The following SLC2A4 variants were observed in gnomAD, a reference collection of about 807,000 sequenced individuals.
SLC2A4 encodes the protein solute carrier family 2 member 4, also known as solute carrier family 2, facilitated glucose transporter member 4.
A neutral mutation model predicts 53.3 loss-of-function variants in SLC2A4; 31 were observed. The observed-to-expected ratio is 0.58, with a 90% CI of 0.44 to 0.78. The LOEUF is 0.78. Ranked by LOEUF, SLC2A4 falls within the 30% of genes least tolerant of loss-of-function variation. The probability of loss-of-function intolerance (pLI) is 0.00; values close to 1 mark genes in which losing one functional copy is unlikely to be tolerated. For synonymous variants in SLC2A4, 276 were observed against 281.9 expected (o/e 0.98, Z 0.21); for missense variants, 538 against 655.7 (o/e 0.82, Z 1.96).
At position 7,282,129 on chromosome 17, in the gene SLC2A4, A is replaced by C. The variant is rs1371025300; in HGVS notation, c.33+162A>C. On this transcript the variant is annotated intron_variant, in intron 1 of 10. Transcript: ENST00000317370. This position sits in a 1 kb window ranked among gnomAD's most constrained non-coding sequence, Gnocchi z 4.1. ...CCGGCCTGGACAACCCGTGACTGTG[A>C]GATTCCAATCCTACCAAAAGGCAGA... The C allele has an allele frequency of 1.8e-5, 12 of 683,204 alleles. No individual in the cohort carries two copies. The highest frequency in any genetic ancestry group is 2.6e-5 in the Non-Finnish European group (10 of 381,022). 42.3% of individuals were successfully genotyped at this position (683,204 alleles called of 1,614,324 possible). A position where few individuals can be genotyped will look rare whatever the true frequency, so the allele number is the denominator to read the frequency against.
In SLC2A4 at chr17:7,285,269, C is replaced by G. The variant is rs1035884145; in HGVS notation, c.1122+80C>G. ...TGAGTCTCTGTGACCAGCCAGGGTC[C>G]CTTCTTAACACACATGCTTTCAATC... On this transcript the variant is annotated intron_variant, in intron 9 of 10. Coordinates refer to ENST00000317370, the MANE Select transcript of SLC2A4 (RefSeq NM_001042.3). The surrounding 1 kb of genome is among the most constrained non-coding windows in gnomAD (Gnocchi z 6.0). 6.0e-6 allele frequency: 7 copies of G among 1,175,342 alleles called. No homozygotes were observed. Among genetic ancestry groups the G allele is most frequent in the Non-Finnish European group, 8.6e-6 (7 of 814,168 alleles). 72.8% of individuals were successfully genotyped at this position (1,175,342 alleles called of 1,614,324 possible).
rs888642767 is a variant in SLC2A4, at chr17:7,287,224, G to A, written c.*595G>A. On this transcript the variant is annotated 3_prime_UTR_variant, in exon 11 of 11. Coordinates refer to ENST00000317370, the MANE Select transcript of SLC2A4 (RefSeq NM_001042.3). ...ACTGCAAGCTGTCTCCCAGGTTCAC[G>A]CCATTCTCCTGCCTCAGCCTCCGGA... The A allele has an allele frequency of 2.7e-5, 4 of 146,982 alleles. No homozygotes were observed. Among genetic ancestry groups the A allele is most frequent in the Admixed American group, 1.4e-4 (2 of 14,078 alleles). The allele number at this position is 146,982 out of a possible 1,614,324, so 9.1% of individuals were successfully genotyped here. A position where few individuals can be genotyped will look rare whatever the true frequency, so the allele number is the denominator to read the frequency against.
chr17:7,286,734 G>A lies in SLC2A4; in HGVS notation c.*105G>A. On this transcript the variant is annotated 3_prime_UTR_variant, in exon 11 of 11. Coordinates refer to ENST00000317370, the MANE Select transcript of SLC2A4 (RefSeq NM_001042.3). The stretch of plus-strand genomic sequence containing the variant: ...CTCTCTTCCCTATTATTTCCGGGTG[G>A]AAAAGAATCCCTGCAGCCTGGTAGA... 1 of 1,086,644 alleles carries A rather than the reference G, an allele frequency of 9.2e-7. No homozygotes were observed. The highest frequency in any genetic ancestry group is 1.4e-6 in the Non-Finnish European group (1 of 713,834). The allele number at this position is 1,086,644 out of a possible 1,614,324, so 67.3% of individuals were successfully genotyped here.
Position 7,284,046 on chromosome 17 carries a change from C to A in SLC2A4, c.521C>A (p.Thr174Lys). ...APTHLRGALGTLNQLAIVIGI... is the reference protein window; with the variant it reads ...APTHLRGALGKLNQLAIVIGI... ...ACTCACCTGCGGGGCGCCCTGGGGACGCTCAACCAACTGGCCATTGTTATC... is the reference window on the plus strand; with the variant it reads ...ACTCACCTGCGGGGCGCCCTGGGGAAGCTCAACCAACTGGCCATTGTTATC... Residue 174 changes from threonine to lysine, a missense_variant, in exon 5 of 11, where the codon ACG (threonine) becomes AAG (lysine). Physicochemically the swap from Thr to Lys is moderately conservative, Grantham distance 78. Transcript: ENST00000317370. This position sits in a 1 kb window ranked among gnomAD's most constrained non-coding sequence, Gnocchi z 7.5. The A allele has an allele frequency of 6.2e-7, 1 of 1,613,976 alleles. No homozygotes were observed. Among genetic ancestry groups the A allele is most frequent in the Non-Finnish European group, 8.5e-7 (1 of 1,179,962 alleles).
Position 7,285,795 on chromosome 17 carries a change from T to A in SLC2A4, c.1213T>A (p.Phe405Ile), listed in dbSNP as rs756581709. 4 of 1,614,206 alleles carry A rather than the reference T, an allele frequency of 2.5e-6. No homozygotes were observed. In the East Asian group the frequency reaches 8.9e-5, roughly 36 times the overall value. Reference sequence around the variant, plus strand: ...GATTGGCCCTGGCCCCATTCCTTGGTTCATCGTGGCCGAGCTCTTCAGCCA... The same window carrying A: ...GATTGGCCCTGGCCCCATTCCTTGGATCATCGTGGCCGAGCTCTTCAGCCA... Reference protein sequence around the residue: ...FEIGPGPIPWFIVAELFSQGP... With the variant: ...FEIGPGPIPWIIVAELFSQGP... The change falls in exon 10 of 11, where the codon TTC becomes ATC. Residue 405 changes from phenylalanine to isoleucine, a missense_variant. By Grantham distance (21) the Phe-to-Ile change is conservative (BLOSUM62 0). Coordinates refer to ENST00000317370, the MANE Select transcript of SLC2A4 (RefSeq NM_001042.3). This position sits in a 1 kb window ranked among gnomAD's most constrained non-coding sequence, Gnocchi z 6.0.
In SLC2A4 at chr17:7,282,177, G is replaced by A. The variant is rs971399817; in HGVS notation, c.33+210G>A. Reference sequence around the variant, plus strand: ...AGAGTGGGTCTGGAGGGCCTTTCGGGGCACAGGCAGCAAGTGGATTCTGCG... The same window carrying A: ...AGAGTGGGTCTGGAGGGCCTTTCGGAGCACAGGCAGCAAGTGGATTCTGCG... On this transcript the variant is annotated intron_variant, in intron 1 of 10. Transcript: ENST00000317370. The surrounding 1 kb of genome is among the most constrained non-coding windows in gnomAD (Gnocchi z 4.1). 36 of 630,758 alleles carry A rather than the reference G, an allele frequency of 5.7e-5. No homozygotes were observed. Among genetic ancestry groups the A allele is most frequent in the Middle Eastern group, 4.2e-4 (1 of 2,402 alleles). 39.1% of individuals were successfully genotyped at this position (630,758 alleles called of 1,614,324 possible).
chr17:7,286,115 T>C, intron 10 of SLC2A4: 2 of 613,840 alleles, frequency 3.3e-6, no homozygotes, highest in Non-Finnish European at 5.8e-6. Flanking sequence ...AACGCACCAG[T>C]GGCATAACTT....
rs953842897 is a variant in SLC2A4 at position 7,284,188 on chromosome 17, C to T, written c.565-29C>T. The T allele has an allele frequency of 6.2e-7, 1 of 1,611,426 alleles. No individual in the cohort carries two copies. The highest frequency in any genetic ancestry group is 1.3e-5 in the African/African-American group (1 of 74,946). ...AGGTAAGGCAGAAGGGCTGAGTGAC[C>T]TGCCTTCTTTCCCAACCTTCTCCCA... On this transcript the variant is annotated intron_variant, in intron 5 of 10. Transcript: ENST00000317370. This position sits in a 1 kb window ranked among gnomAD's most constrained non-coding sequence, Gnocchi z 7.5.
Position 7,285,139 on chromosome 17 carries a change from G to A in SLC2A4, c.1072G>A (p.Ala358Thr), listed in dbSNP as rs758526122. Residue 358 changes from alanine to threonine, a missense_variant, in exon 9 of 11, where the codon GCG becomes ACG. Ala to Thr is a moderately conservative substitution (Grantham distance 58). Coordinates refer to ENST00000317370, the MANE Select transcript of SLC2A4 (RefSeq NM_001042.3). This position sits in a 1 kb window ranked among gnomAD's most constrained non-coding sequence, Gnocchi z 6.0. ...CCGGACGCTCCATCTCCTGGGCCTG[G>A]CGGGCATGTGTGGCTGTGCCATCCT... Reference protein sequence around the residue: ...GRRTLHLLGLAGMCGCAILMT... With the variant: ...GRRTLHLLGLTGMCGCAILMT... The A allele has an allele frequency of 1.9e-6, 3 of 1,604,606 alleles. No individual in the cohort carries two copies. Among genetic ancestry groups the A allele is most frequent in the Non-Finnish European group, 2.5e-6 (3 of 1,177,160 alleles).
In SLC2A4 at chr17:7,283,558, C is replaced by G. The variant is rs8192703; in HGVS notation, c.236C>G (p.Thr79Ser). The G allele has an allele frequency of 4.3e-3, 6,865 of 1,614,106 alleles. 21 individuals are homozygous for G. Among genetic ancestry groups the G allele is most frequent in the Non-Finnish European group, 4.8e-3 (5,639 of 1,180,010 alleles). ...PSSIPPGTLT[T>S]LWALSVAIFS... Reference sequence around the variant, plus strand: ...TCCATCCCTCCAGGCACCCTCACCACCCTCTGGGCCCTCTCCGTGGCCATC... The same window carrying G: ...TCCATCCCTCCAGGCACCCTCACCAGCCTCTGGGCCCTCTCCGTGGCCATC... The change falls in exon 3 of 11, where the codon ACC becomes AGC. Residue 79 changes from threonine (T) to serine (S), a missense_variant. By Grantham distance (58) the Thr-to-Ser change is moderately conservative. Transcript: ENST00000317370. The surrounding 1 kb of genome is among the most constrained non-coding windows in gnomAD (Gnocchi z 5.8).
chr17:7,287,758 TGA>T lies in SLC2A4; in HGVS notation c.*1134_*1135del, dbSNP rs1051939659. ...TTTTATATACGTTTGAAAAGGGGAT[TGA>T]GAGAAGAAACCAAAGGTCGGTTGTA... On this transcript the variant is annotated 3_prime_UTR_variant, in exon 11 of 11. Coordinates refer to ENST00000317370, the MANE Select transcript of SLC2A4 (RefSeq NM_001042.3). The T allele has an allele frequency of 3.3e-5, 5 of 152,196 alleles. No homozygotes were observed. The highest frequency in any genetic ancestry group is 1.2e-4 in the African/African-American group (5 of 41,446). 9.4% of individuals were successfully genotyped at this position (152,196 alleles called of 1,614,324 possible). A position where few individuals can be genotyped will look rare whatever the true frequency, so the allele number is the denominator to read the frequency against.
chr17:7,286,325 C>A (rs1219790586), intron 10 of SLC2A4, 101 bp from the exon 11 acceptor site: 1 of 920,776 alleles, frequency 1.1e-6, no homozygotes, highest in Non-Finnish European at 1.8e-6. Flanking sequence ...TGTCTGCCGT[C>A]CCCCCAGCTC....
At position 7,282,326 on chromosome 17, in the gene SLC2A4, G is replaced by T; in HGVS notation, c.33+359G>T. ...CTTGCCCTCCGGGAGCTGTCCGTCC[G>T]TCTTCGCTCACGGGCAGTGTTTCGA... On this transcript the variant is annotated intron_variant, in intron 1 of 10. Coordinates refer to ENST00000317370, the MANE Select transcript of SLC2A4 (RefSeq NM_001042.3). This position sits in a 1 kb window ranked among gnomAD's most constrained non-coding sequence, Gnocchi z 4.1. 1 of 499,484 alleles carries T rather than the reference G, an allele frequency of 2.0e-6. No homozygotes were observed. Among genetic ancestry groups the T allele is most frequent in the South Asian group, 1.5e-5 (1 of 64,906 alleles). 30.9% of individuals were successfully genotyped at this position (499,484 alleles called of 1,614,324 possible).
chr17:7,285,742 C>T lies in SLC2A4; in HGVS notation c.1160C>T (p.Ala387Val), dbSNP rs1351435433. Residue 387 changes from alanine to valine, a missense_variant, in exon 10 of 11, where the codon GCC (alanine) becomes GTC (valine). Coordinates refer to ENST00000317370, the MANE Select transcript of SLC2A4 (RefSeq NM_001042.3). The surrounding 1 kb of genome is among the most constrained non-coding windows in gnomAD (Gnocchi z 6.0). ...VPAMSYVSIV[A>V]IFGFVAFFEI... ...GCCATGAGCTACGTCTCCATTGTGG[C>T]CATCTTTGGCTTCGTGGCATTTTTT... 3.7e-6 allele frequency: 6 copies of T among 1,614,232 alleles called. No individual in the cohort carries two copies. The highest frequency in any genetic ancestry group is 5.1e-6 in the Non-Finnish European group (6 of 1,180,046).
chr17:7,286,194 T>C, intron 10 of SLC2A4: 1 of 641,984 alleles, frequency 1.6e-6, no homozygotes, highest in South Asian at 1.8e-5. Flanking sequence ...CTCCTCTGAG[T>C]GCAGTAACTG....
At position 7,284,049 on chromosome 17, in the gene SLC2A4, T is replaced by C; in HGVS notation, c.524T>C (p.Leu175Pro). 2 of 1,614,002 alleles carry C rather than the reference T, an allele frequency of 1.2e-6. No homozygotes were observed. Among genetic ancestry groups the C allele is most frequent in the Non-Finnish European group, 1.7e-6 (2 of 1,179,946 alleles). The stretch of plus-strand genomic sequence containing the variant: ...CACCTGCGGGGCGCCCTGGGGACGC[T>C]CAACCAACTGGCCATTGTTATCGGC... The part of the protein sequence containing the change: ...PTHLRGALGT[L>P]NQLAIVIGIL... The change falls in exon 5 of 11, where the codon CTC becomes CCC. Residue 175 changes from leucine (L) to proline (P), a missense_variant. Transcript: ENST00000317370. The surrounding 1 kb of genome is among the most constrained non-coding windows in gnomAD (Gnocchi z 7.5).
chr17:7,287,277 C>CGAGATCT lies in SLC2A4; in HGVS notation c.*648_*649insGAGATCT. ...AGCTGGGACTACAGGCGCATGCCACCACACCTGGCTAATTTATTTTGTATT... is the reference window on the plus strand; with the variant it reads ...AGCTGGGACTACAGGCGCATGCCACCGAGATCTACACCTGGCTAATTTATTTTGTATT... On this transcript the variant is annotated 3_prime_UTR_variant, in exon 11 of 11. Coordinates refer to ENST00000317370, the MANE Select transcript of SLC2A4 (RefSeq NM_001042.3). 1 of 153,408 alleles carries CGAGATCT rather than the reference C, an allele frequency of 6.5e-6. No homozygotes were observed. The highest frequency in any genetic ancestry group is 1.5e-5 in the Non-Finnish European group (1 of 68,900). 9.5% of individuals were successfully genotyped at this position (153,408 alleles called of 1,614,324 possible). A position where few individuals can be genotyped will look rare whatever the true frequency, so the allele number is the denominator to read the frequency against.
In SLC2A4 at chr17:7,286,865, C is replaced by T; in HGVS notation, c.*236C>T. 7.8e-6 allele frequency: 4 copies of T among 512,394 alleles called. No individual in the cohort carries two copies. In the South Asian group the frequency reaches 8.1e-5, roughly 10 times the overall value. 31.7% of individuals were successfully genotyped at this position (512,394 alleles called of 1,614,324 possible). ...GTTTGGCCGTGGCCATCAGGGTGGG[C>T]CACTCTCCCCTCCCTCTTCCTTCCC... On this transcript the variant is annotated 3_prime_UTR_variant, in exon 11 of 11. Coordinates refer to ENST00000317370, the MANE Select transcript of SLC2A4 (RefSeq NM_001042.3).
In SLC2A4 at chr17:7,281,983, AGGGGGCGGGGCGG is replaced by A; in HGVS notation, c.33+23_33+35del. 3.3e-5 allele frequency: 7 copies of A among 211,702 alleles called. No individual in the cohort carries two copies. Among genetic ancestry groups the A allele is most frequent in the Non-Finnish European group, 5.6e-5 (6 of 108,050 alleles). The allele number at this position is 211,702 out of a possible 1,614,324, so 13.1% of individuals were successfully genotyped here. ...AGGCTCCGAAGTAGGATTCATCATG[AGGGGGCGGGGCGG>A]GGGGGCACGGGTCCCGCTTTTCTTG... On this transcript the variant is annotated intron_variant, in intron 1 of 10. Coordinates refer to ENST00000317370, the MANE Select transcript of SLC2A4 (RefSeq NM_001042.3).
Sources: gnomAD v4.1 joint callset for allele counts on GRCh38, gnomAD v4.1.1 for gene constraint, Gnocchi (gnomAD v3.1) non-coding constraint, MANE v1.5 for transcripts, NCBI Gene and HGNC (gene_info 2026-07-23, HGNC 2026-07-21) for gene names.